ANTXR1: variants seen among roughly 807,000 people sequenced by gnomAD.
ANTXR1 encodes ANTXR cell adhesion molecule 1, also known as anthrax toxin receptor 1.
ANTXR1 carries 19 observed loss-of-function variants against 78.1 expected under a neutral mutation model. The observed-to-expected ratio is 0.24, with a 90% CI of 0.17 to 0.36. ANTXR1 has a LOEUF of 0.36. Among genes scored for constraint, ANTXR1 ranks in the 10% least tolerant of loss-of-function variants. ANTXR1 has a pLI of 1.00. For missense variants in ANTXR1, 518 were observed against 718.6 expected (o/e 0.72, Z 3.19); for synonymous variants, 273 against 260.5 (o/e 1.05, Z -0.46).
At chr2:69,114,614 T>C (rs868651655) in intron 10 of ANTXR1, among the ~76,000 whole-genome samples, 4 of 152,194 alleles carry the variant, frequency 2.6e-5, no homozygotes, top group Middle Eastern at 3.2e-3. Context: ...TATTGGTATT[T>C]GTATGTAAGG....
chr2:69,090,826 G>A (rs370320129), intron 8 of ANTXR1, 33 bp from the exon 9 acceptor site: 1 of 1,606,812 alleles, frequency 6.2e-7, no homozygotes, highest in Admixed American at 1.7e-5. Context: ...AAAATAAGCT[G>A]TGCATTGACT....
In ANTXR1 at chr2:69,193,884, A is replaced by C. The variant is rs575123732; in HGVS notation, c.1434+469A>C. On this transcript the variant is annotated intron_variant, in intron 17 of 17. Transcript: ENST00000303714. The stretch of plus-strand genomic sequence containing the variant: ...AAGGAAGGGGCCACAGAAAACACCT[A>C]CCATCTTCCCAGCAGGTGTGGGGCC... Among the ~76,000 whole-genome samples, 117 of 152,296 alleles carry C rather than the reference A, an allele frequency of 7.7e-4. 3 individuals are homozygous for C. In the South Asian group the frequency reaches 0.016, roughly 21 times the overall value.
intron 17 of ANTXR1, among the ~76,000 whole-genome samples, chr2:69,208,165 T>C (rs1573977873): frequency 1.3e-5 from 2 of 152,248 alleles, no homozygotes; most frequent in Admixed American, 1.3e-4. Context: ...TCTTTTCAAC[T>C]TGGAGGTGGG....
intron 12 of ANTXR1, among the ~76,000 whole-genome samples, chr2:69,138,040 CACCATTGCA>C (rs1244255074): frequency 1.4e-5 from 2 of 145,604 alleles, no homozygotes. Flanking sequence ...GCCAAGATTG[CACCATTGCA>C]CTCCAGCCGA....
At chr2:69,188,034 C>CAAAAAA (rs34500820) in intron 16 of ANTXR1, among the ~76,000 whole-genome samples, 3 of 90,786 alleles carry the variant, frequency 3.3e-5, no homozygotes, top group African/African-American at 1.1e-4. Flanking sequence ...TGCTGCCTGG[C>CAAAAAA]AAAAAAAAAA....
intron 1 of ANTXR1, among the ~76,000 whole-genome samples, chr2:69,029,959 A>G (rs1259012796): frequency 2.6e-5 from 4 of 152,214 alleles, no homozygotes; most frequent in Non-Finnish European, 5.9e-5. Context: ...TATGCGAGGT[A>G]GCAAAAATCA....
At chr2:69,124,461 G>A (rs1294023978) in intron 11 of ANTXR1, 104 bp from the exon 12 acceptor site, 1 of 983,350 alleles carries the variant, frequency 1.0e-6, no homozygotes, top group Non-Finnish European at 1.6e-6. Flanking sequence ...CCAGTCTCAA[G>A]GGTATTTAAG....
chr2:69,189,844 G>C (rs1674508310), intron 16 of ANTXR1, among the ~76,000 whole-genome samples: 1 of 152,200 alleles, frequency 6.6e-6, no homozygotes, highest in Non-Finnish European at 1.5e-5. Context: ...TTGGGGAGAA[G>C]AGTTAGTTCA....
intron 17 of ANTXR1, among the ~76,000 whole-genome samples, chr2:69,208,016 A>G (rs1475363725): frequency 6.6e-6 from 1 of 152,244 alleles, no homozygotes; most frequent in Admixed American, 6.5e-5. Context: ...AACAGTGTAG[A>G]AAACCAATTA....
At chr2:69,171,631 G>A (rs986663230) in intron 14 of ANTXR1, among the ~76,000 whole-genome samples, 1 of 152,178 alleles carries the variant, frequency 6.6e-6, no homozygotes, top group African/African-American at 2.4e-5. Flanking sequence ...TTTGCCTTTA[G>A]AAGGTGACGT....
intron 17 of ANTXR1, among the ~76,000 whole-genome samples, chr2:69,198,678 T>A (rs1674711323): frequency 6.6e-6 from 1 of 152,214 alleles, no homozygotes; most frequent in African/African-American, 2.4e-5. Flanking sequence ...GCCTTTTGTT[T>A]CAAATTTAGA....
chr2:69,151,208 T>TTTTG (rs1354604227), intron 12 of ANTXR1, among the ~76,000 whole-genome samples: 2 of 148,598 alleles, frequency 1.3e-5, no homozygotes, highest in Non-Finnish European at 3.0e-5. Context: ...TTTTTTTTTT[T>TTTTG]TGAGACGGAG....
chr2:69,056,895 T>A (rs1034858090), intron 3 of ANTXR1, among the ~76,000 whole-genome samples: 1 of 152,104 alleles, frequency 6.6e-6, no homozygotes, highest in African/African-American at 2.4e-5. Flanking sequence ...GCCAGGCTGG[T>A]CTCAAACTCC....
At chr2:69,040,953 A>G (rs1257210733) in intron 2 of ANTXR1, among the ~76,000 whole-genome samples, 2 of 152,186 alleles carry the variant, frequency 1.3e-5, no homozygotes, top group Admixed American at 6.5e-5. Flanking sequence ...AATACAGGTT[A>G]TCCTCTAAGC....
At chr2:69,149,122 G>A (rs972855512) in intron 12 of ANTXR1, among the ~76,000 whole-genome samples, 1 of 152,098 alleles carries the variant, frequency 6.6e-6, no homozygotes. Flanking sequence ...AGTGCATTCG[G>A]GGGCTTTATC....
intron 1 of ANTXR1, among the ~76,000 whole-genome samples, chr2:69,037,372 C>T (rs891822134): frequency 9.2e-5 from 14 of 152,272 alleles, no homozygotes; most frequent in African/African-American, 2.2e-4. Context: ...GAGGTGGACA[C>T]GGTGGCCCTG....
In ANTXR1 at chr2:69,181,814, A is replaced by G; in HGVS notation, c.1118A>G (p.Lys373Arg). The change falls in exon 15 of 18, where the codon AAA becomes AGA. Residue 373 changes from lysine (K) to arginine (R), a missense_variant. Around this residue, in one of 5 missense-constraint regions of ANTXR1, gnomAD observed 264 missense variants for 391.8 expected, o/e 0.67. Coordinates refer to ENST00000303714, the MANE Select transcript of ANTXR1 (RefSeq NM_032208.3). ...GAAGATGATGATGGTCTGCCTAAGA[A>G]AAAGTGGCCAACGGTAGACGCCTCT... The part of the protein sequence containing the change: ...EEEDDDGLPK[K>R]KWPTVDASYY... 6.2e-7 allele frequency: 1 copy of G among 1,614,172 alleles called. No individual in the cohort carries two copies.
chr2:69,079,834 T>G (rs1414037344), intron 8 of ANTXR1, among the ~76,000 whole-genome samples: 1 of 152,188 alleles, frequency 6.6e-6, no homozygotes, highest in Non-Finnish European at 1.5e-5. Flanking sequence ...ATGAGCCGTG[T>G]GCCTAACTCC....
At chr2:69,130,778 G>A (rs1174699072) in intron 12 of ANTXR1, among the ~76,000 whole-genome samples, 2 of 152,114 alleles carry the variant, frequency 1.3e-5, no homozygotes, top group Non-Finnish European at 2.9e-5. Context: ...TTATAAACAG[G>A]CTATCTCCCC....
Sources: allele counts gnomAD v4.1 joint callset (sites outside exome capture counted in the v4.1 genomes callset), GRCh38; gene constraint gnomAD v4.1.1; regional missense constraint gnomAD v4.1.1; transcripts MANE v1.5; gene names NCBI Gene and HGNC (gene_info 2026-07-23, HGNC 2026-07-21).